The following PCDH9 variants were observed in gnomAD, a reference collection of about 807,000 sequenced individuals.
The protein encoded by PCDH9 is protocadherin 9.
A neutral mutation model predicts 70.6 loss-of-function variants in PCDH9; 24 were observed. That is an observed-to-expected ratio of 0.34 (90% CI 0.25 to 0.48). PCDH9 has a LOEUF of 0.48. PCDH9 is among the 20% of genes least tolerant of loss of function. The pLI is 0.99. For missense variants in PCDH9, 1,281 were observed against 1,503.6 expected (o/e 0.85, Z 2.45); for synonymous variants, 562 against 558.5 (o/e 1.01, Z -0.09).
intron 2 of PCDH9, among the ~76,000 whole-genome samples, chr13:66,986,535 T>C (rs577258610): frequency 6.6e-6 from 1 of 152,062 alleles, no homozygotes; most frequent in African/African-American, 2.4e-5. Context: ...GTATTAGAAA[T>C]AAGCAAAGTC....
chr13:66,751,674 A>G (rs1000659298), intron 3 of PCDH9, among the ~76,000 whole-genome samples: 1 of 152,236 alleles, frequency 6.6e-6, no homozygotes, highest in African/African-American at 2.4e-5. Flanking sequence ...TGGTCCCAGC[A>G]CTAATAAGGT....
intron 3 of PCDH9, among the ~76,000 whole-genome samples, chr13:66,854,866 A>G (rs1384269774): frequency 6.6e-6 from 1 of 152,080 alleles, no homozygotes; most frequent in East Asian, 1.9e-4. Flanking sequence ...ACGTATATAA[A>G]ACAAGGGTCT....
intron 3 of PCDH9, among the ~76,000 whole-genome samples, chr13:66,839,677 C>T (rs534463236): frequency 6.6e-6 from 1 of 152,242 alleles, no homozygotes; most frequent in Admixed American, 6.5e-5. Flanking sequence ...TCTCTGATAC[C>T]GTCAGTCATG....
At chr13:66,834,068 T>C (rs576258864) in intron 3 of PCDH9, among the ~76,000 whole-genome samples, 1 of 152,230 alleles carries the variant, frequency 6.6e-6, no homozygotes, top group African/African-American at 2.4e-5. Context: ...ACTTCATATA[T>C]ACATAATCTT....
At chr13:66,634,926 G>A (rs1429543059) in intron 3 of PCDH9, among the ~76,000 whole-genome samples, 1 of 152,078 alleles carries the variant, frequency 6.6e-6, no homozygotes, top group Non-Finnish European at 1.5e-5. Flanking sequence ...AGTGTGGGGT[G>A]GGAAAGACTA....
intron 3 of PCDH9, among the ~76,000 whole-genome samples, chr13:66,736,126 A>G (rs1376059193): frequency 6.6e-6 from 1 of 152,168 alleles, no homozygotes; most frequent in Non-Finnish European, 1.5e-5. Context: ...TACTATGATA[A>G]TTAATATATT....
At chr13:66,596,532 A>T (rs2077105061) in intron 4 of PCDH9, among the ~76,000 whole-genome samples, 2 of 151,672 alleles carry the variant, frequency 1.3e-5, no homozygotes, top group Non-Finnish European at 3.0e-5. Context: ...TCTATATGTT[A>T]CACATATTGC....
chr13:66,709,775 G>A (rs939068816), intron 3 of PCDH9, among the ~76,000 whole-genome samples: 3 of 152,154 alleles, frequency 2.0e-5, no homozygotes, highest in Non-Finnish European at 4.4e-5. Flanking sequence ...CTCTAAGGCT[G>A]TGATACAGAA....
At chr13:66,788,537 T>C (rs1325564636) in intron 3 of PCDH9, among the ~76,000 whole-genome samples, 2 of 152,068 alleles carry the variant, frequency 1.3e-5, no homozygotes, top group Non-Finnish European at 2.9e-5. Flanking sequence ...CATCTTCCTA[T>C]TGTTCCTAAT....
chr13:66,794,586 A>G (rs533556689), intron 3 of PCDH9, among the ~76,000 whole-genome samples: 1 of 151,988 alleles, frequency 6.6e-6, no homozygotes, highest in Non-Finnish European at 1.5e-5. Context: ...TTATCACCCA[A>G]CCTCCACCTA....
intron 2 of PCDH9, among the ~76,000 whole-genome samples, chr13:66,981,396 C>CAA (rs1355514038): frequency 1.3e-5 from 2 of 149,338 alleles, no homozygotes; most frequent in Non-Finnish European, 3.0e-5. Flanking sequence ...CGAGATCGTG[C>CAA]CACTGCACTC....
chr13:66,480,932 T>C (rs1457713850), intron 4 of PCDH9, among the ~76,000 whole-genome samples: 2 of 152,202 alleles, frequency 1.3e-5, no homozygotes, highest in East Asian at 3.9e-4. Context: ...AATGATAGAC[T>C]GGATAAAGAA....
chr13:66,422,396 C>G (rs1957583633), intron 4 of PCDH9, among the ~76,000 whole-genome samples: 1 of 152,072 alleles, frequency 6.6e-6, no homozygotes, highest in African/African-American at 2.4e-5. Context: ...TACAATCGAC[C>G]ACATAATTGG....
intron 2 of PCDH9, among the ~76,000 whole-genome samples, chr13:66,994,116 T>C (rs2139804636): frequency 6.6e-6 from 1 of 152,218 alleles, no homozygotes; most frequent in Middle Eastern, 3.4e-3. Flanking sequence ...ATTTCGGAGT[T>C]ATCAGAGACT....
chr13:66,555,092 C>T (rs1961669038), intron 4 of PCDH9, among the ~76,000 whole-genome samples: 1 of 152,024 alleles, frequency 6.6e-6, no homozygotes, highest in Non-Finnish European at 1.5e-5. Context: ...TTGCTTGAAC[C>T]CGGGAGGCGG....
chr13:67,178,598 G>A (rs1439810273), intron 2 of PCDH9, among the ~76,000 whole-genome samples: 4 of 152,068 alleles, frequency 2.6e-5, no homozygotes, highest in Admixed American at 2.6e-4. Flanking sequence ...GTATGTAGTA[G>A]CAGCCACATC....
chr13:66,341,868 A>G (rs563218490), intron 4 of PCDH9, among the ~76,000 whole-genome samples: 4 of 152,300 alleles, frequency 2.6e-5, no homozygotes, highest in African/African-American at 9.6e-5. Flanking sequence ...GGAGATGTAA[A>G]TATGCACACT....
At chr13:66,556,201 T>A (rs941076323) in intron 4 of PCDH9, among the ~76,000 whole-genome samples, 3 of 151,918 alleles carry the variant, frequency 2.0e-5, no homozygotes, top group Non-Finnish European at 4.4e-5. Context: ...TAGCACCGTG[T>A]TTTTTGACTC....
At chr13:66,400,121 T>TC (rs1566296917) in intron 4 of PCDH9, among the ~76,000 whole-genome samples, 4 of 152,310 alleles carry the variant, frequency 2.6e-5, no homozygotes, top group African/African-American at 9.6e-5. Flanking sequence ...CTCCTATCAC[T>TC]GTAAGAAGTA....
Sources: allele counts gnomAD v4.1 joint callset (sites outside exome capture counted in the v4.1 genomes callset), GRCh38; gene constraint gnomAD v4.1.1; transcripts MANE v1.5; gene names NCBI Gene and HGNC (gene_info 2026-07-23, HGNC 2026-07-21).